CDC42BPA: variants seen among roughly 807,000 people sequenced by gnomAD.
CDC42BPA encodes CDC42 binding protein kinase alpha.
In CDC42BPA, 80 loss-of-function variants were observed where a neutral mutation model predicts 223.5. That is an observed-to-expected ratio of 0.36 (90% CI 0.30 to 0.43). CDC42BPA has a LOEUF of 0.43. Ranked by LOEUF, CDC42BPA falls within the 20% of genes least tolerant of loss-of-function variation. CDC42BPA has a pLI of 1.00. For synonymous variants in CDC42BPA, 694 were observed against 718.6 expected, an observed-to-expected ratio of 0.97 and a Z score of 0.55; for missense variants, 1,743 against 2,099.9, an observed-to-expected ratio of 0.83 and a Z score of 3.32.
intron 1 of CDC42BPA, among the ~76,000 whole-genome samples, chr1:227,294,115 C>CA (rs1423050758): frequency 6.6e-6 from 1 of 151,210 alleles, no homozygotes; most frequent in Non-Finnish European, 1.5e-5. Flanking sequence ...ACTAAAAATA[C>CA]AAAAAAATTA....
intron 2 of CDC42BPA, among the ~76,000 whole-genome samples, chr1:227,244,502 G>GA (rs1477719655): frequency 6.6e-6 from 1 of 150,740 alleles, no homozygotes; most frequent in Non-Finnish European, 1.5e-5. Flanking sequence ...GGTGGGGGGG[G>GA]GCAATGGGAG....
intron 2 of CDC42BPA, among the ~76,000 whole-genome samples, chr1:227,228,428 T>C (rs982534923): frequency 1.3e-5 from 2 of 152,242 alleles, no homozygotes; most frequent in Non-Finnish European, 2.9e-5. Context: ...CATTCATCAG[T>C]TGATGGACAT....
chr1:227,086,976 G>A (rs1335146761), intron 16 of CDC42BPA, among the ~76,000 whole-genome samples: 2 of 152,058 alleles, frequency 1.3e-5, no homozygotes, highest in African/African-American at 4.8e-5. Context: ...TCCACCTTAA[G>A]AGTTCTTTAC....
At chr1:227,227,244 T>C (rs927782160) in intron 2 of CDC42BPA, among the ~76,000 whole-genome samples, 4 of 152,042 alleles carry the variant, frequency 2.6e-5, no homozygotes, top group Non-Finnish European at 5.9e-5. Context: ...AAATATCCCG[T>C]CAACAGCTAC....
At chr1:227,015,012 C>G (rs934566717) in intron 34 of CDC42BPA, among the ~76,000 whole-genome samples, 2 of 152,062 alleles carry the variant, frequency 1.3e-5, no homozygotes, top group African/African-American at 4.8e-5. Flanking sequence ...TTGCCCAATG[C>G]AACGGCAATC....
chr1:227,034,925 G>C, intron 25 of CDC42BPA, 131 bp from the exon 26 acceptor site: 1 of 718,174 alleles, frequency 1.4e-6, no homozygotes, highest in Middle Eastern at 2.8e-4. Flanking sequence ...ATTCTGGTTG[G>C]TAAAGTAGCA....
In CDC42BPA at chr1:227,317,127, G is replaced by C. The variant is rs1466876934; in HGVS notation, c.56C>G (p.Ala19Gly). 2 of 1,613,938 alleles carry C rather than the reference G, an allele frequency of 1.2e-6. No individual in the cohort carries two copies. Among genetic ancestry groups the C allele is most frequent in the Non-Finnish European group, 1.7e-6 (2 of 1,179,994 alleles). ...QLEQFILDGP[A>G]QTNGQCFSVE... The stretch of plus-strand genomic sequence containing the variant: ...ACTGAAGCACTGCCCATTGGTCTGA[G>C]CGGGCCCGTCCAAAATAAACTGCTC... Residue 19 changes from alanine to glycine, a missense_variant, in exon 1 of 37, where the codon GCT becomes GGT. By Grantham distance (60) the Ala-to-Gly change is moderately conservative. This residue lies in a region of CDC42BPA where 321 missense variants were observed against 488.7 expected (regional missense o/e 0.66). Coordinates refer to ENST00000366766, the MANE Select transcript of CDC42BPA (RefSeq NM_001394014.1).
chr1:227,189,164 C>CT (rs1669309424), intron 5 of CDC42BPA, among the ~76,000 whole-genome samples: 3 of 152,246 alleles, frequency 2.0e-5, no homozygotes, highest in African/African-American at 7.2e-5. Context: ...GCCGGTGTAT[C>CT]CCAGTTGTAA....
At chr1:227,220,345 TATAAA>T (rs1396689844) in intron 2 of CDC42BPA, among the ~76,000 whole-genome samples, 2 of 147,114 alleles carry the variant, frequency 1.4e-5, no homozygotes, top group African/African-American at 4.9e-5. Context: ...TATGGATATA[TATAAA>T]ATAAGGTTAT....
At chr1:227,298,970 A>C (rs68077109) in intron 1 of CDC42BPA, among the ~76,000 whole-genome samples, 46,761 of 152,066 alleles carry the variant, frequency 0.31, 7,370 homozygotes, top group East Asian at 0.37. Context: ...GGTAACTTTC[A>C]CAAATGGACA....
At chr1:227,171,789 G>T (rs1255005850) in intron 5 of CDC42BPA, among the ~76,000 whole-genome samples, 1 of 151,936 alleles carries the variant, frequency 6.6e-6, no homozygotes, top group Non-Finnish European at 1.5e-5. Context: ...TTTCAATTCT[G>T]GCTGGACACT....
At chr1:227,076,509 A>G (rs1287935473) in intron 17 of CDC42BPA, among the ~76,000 whole-genome samples, 1 of 152,102 alleles carries the variant, frequency 6.6e-6, no homozygotes, top group African/African-American at 2.4e-5. Context: ...CACCCGCCTC[A>G]GCCTCCCAAA....
intron 15 of CDC42BPA, among the ~76,000 whole-genome samples, chr1:227,100,027 C>T (rs1488808126): frequency 6.6e-6 from 1 of 152,106 alleles, no homozygotes; most frequent in Non-Finnish European, 1.5e-5. Flanking sequence ...TGAATAAATG[C>T]ACCAAATTGA....
chr1:227,034,066 GT>G (rs1669809587), intron 26 of CDC42BPA, among the ~76,000 whole-genome samples: 1 of 152,178 alleles, frequency 6.6e-6, no homozygotes, highest in Non-Finnish European at 1.5e-5. Context: ...AGAAATTCCG[GT>G]TTTGAGCAAT....
At chr1:227,120,402 C>A (rs1329956936) in intron 11 of CDC42BPA, among the ~76,000 whole-genome samples, 3 of 152,148 alleles carry the variant, frequency 2.0e-5, no homozygotes, top group African/African-American at 7.2e-5. Flanking sequence ...AGAATAAACT[C>A]TGATTTCTAA....
intron 3 of CDC42BPA, among the ~76,000 whole-genome samples, chr1:227,203,721 C>T (rs1672196335): frequency 6.6e-6 from 1 of 152,164 alleles, no homozygotes; most frequent in Non-Finnish European, 1.5e-5. Context: ...ATTCAGCTTG[C>T]CACAGTGATG....
At chr1:227,285,402 G>A (rs1688654156) in intron 1 of CDC42BPA, among the ~76,000 whole-genome samples, 1 of 152,134 alleles carries the variant, frequency 6.6e-6, no homozygotes, top group Non-Finnish European at 1.5e-5. Context: ...TACATCTTAC[G>A]TAATTATTTA....
intron 4 of CDC42BPA, among the ~76,000 whole-genome samples, chr1:227,195,810 T>G (rs987629333): frequency 6.6e-6 from 1 of 152,166 alleles, no homozygotes; most frequent in African/African-American, 2.4e-5. Context: ...AAGGTATATT[T>G]ATACAAGTTT....
chr1:227,291,853 T>C (rs980702669), intron 1 of CDC42BPA, among the ~76,000 whole-genome samples: 2 of 152,184 alleles, frequency 1.3e-5, no homozygotes, highest in Non-Finnish European at 2.9e-5. Flanking sequence ...AGTTAAGACA[T>C]GTACCACCAG....
Sources: allele counts gnomAD v4.1 joint callset (sites outside exome capture counted in the v4.1 genomes callset), GRCh38; gene constraint gnomAD v4.1.1; regional missense constraint gnomAD v4.1.1; transcripts MANE v1.5; gene names NCBI Gene and HGNC (gene_info 2026-07-23, HGNC 2026-07-21).